The following GPHN variants were observed in gnomAD, a reference collection of about 807,000 sequenced individuals.
GPHN encodes gephyrin.
In GPHN, 17 loss-of-function variants were observed where a neutral mutation model predicts 95.5. The ratio of observed to expected loss-of-function variants is 0.18; its 90% CI spans 0.12 to 0.27. GPHN has a LOEUF of 0.27. Among genes scored for constraint, GPHN ranks in the 10% least tolerant of loss-of-function variants. The pLI, the probability that GPHN is intolerant of heterozygous loss-of-function variation, is 1.00. For missense variants in GPHN, 660 were observed against 978.1 expected, an observed-to-expected ratio of 0.67 and a Z score of 4.34; for synonymous variants, 320 against 322.5, an observed-to-expected ratio of 0.99 and a Z score of 0.08.
At chr14:67,515,597 A>G in the GPHN span, 1 of 152,406 alleles carries the variant, frequency 6.6e-6, no homozygotes, top group African/African-American at 2.4e-5. Flanking sequence ...CGGCCCCGCC[A>G]CGGGCGCCTA....
At chr14:67,205,093 T>C in the GPHN span, 3 of 1,545,810 alleles carry the variant, frequency 1.9e-6, no homozygotes, top group Non-Finnish European at 1.7e-6. Flanking sequence ...GGAGAAGGTA[T>C]GTGTCACTGA....
intron 9 of GPHN, among the ~76,000 whole-genome samples, chr14:66,973,622 G>C (rs887310504): frequency 6.6e-6 from 1 of 152,162 alleles, no homozygotes; most frequent in Non-Finnish European, 1.5e-5. Flanking sequence ...AGCTGGGCGT[G>C]GTGGTGGGCG....
chr14:67,382,906 T>TGC, the GPHN span, among the ~76,000 whole-genome samples: 2 of 136,750 alleles, frequency 1.5e-5, no homozygotes, highest in South Asian at 5.1e-4. Flanking sequence ...CGTGCGTGCG[T>TGC]GCGTGTGTGT....
the GPHN span, chr14:67,352,809 T>C: frequency 1.4e-6 from 1 of 704,624 alleles, no homozygotes. Flanking sequence ...ATAATGGTAT[T>C]TTTACTTTTG....
chr14:67,076,841 C>G lies in GPHN; in HGVS notation c.1145-12142C>G, dbSNP rs1012296110. 5.3e-5 allele frequency among the ~76,000 whole-genome samples: 8 copies of G among 152,148 alleles called. No individual in the cohort carries two copies. In the East Asian group the frequency reaches 9.6e-4, roughly 18 times the overall value. ...TCAGCATTCTATTACCTACCACACT[C>G]TTTCTCCACTCTCGATTCATATAAA... On this transcript the variant is annotated intron_variant, in intron 11 of 22. Coordinates refer to ENST00000478722, the MANE Select transcript of GPHN (RefSeq NM_020806.5).
intron 1 of GPHN, among the ~76,000 whole-genome samples, chr14:66,653,783 A>G (rs945088202): frequency 1.3e-5 from 2 of 152,170 alleles, no homozygotes; most frequent in African/African-American, 4.8e-5. Flanking sequence ...TATGACAGAG[A>G]AGTATTCCAT....
chr14:66,525,005 T>C (rs1055060529), intron 1 of GPHN, among the ~76,000 whole-genome samples: 1 of 152,176 alleles, frequency 6.6e-6, no homozygotes, highest in African/African-American at 2.4e-5. Context: ...ATCCTTTGGG[T>C]ATATACTCAG....
chr14:66,974,130 C>T (rs1440190325), intron 9 of GPHN, among the ~76,000 whole-genome samples: 1 of 152,080 alleles, frequency 6.6e-6, no homozygotes, highest in Admixed American at 6.6e-5. Flanking sequence ...CATTTGTTAG[C>T]GAAGCAGAAT....
At chr14:66,686,753 G>A (rs897272208) in intron 2 of GPHN, among the ~76,000 whole-genome samples, 1 of 152,120 alleles carries the variant, frequency 6.6e-6, no homozygotes, top group African/African-American at 2.4e-5. Context: ...TCTTTCTCCT[G>A]CCTGATTGCC....
At chr14:66,550,657 G>C (rs2059775890) in intron 1 of GPHN, among the ~76,000 whole-genome samples, 2 of 152,142 alleles carry the variant, frequency 1.3e-5, no homozygotes, top group African/African-American at 2.4e-5. Context: ...TTTGTAAAAA[G>C]AAGAGTCAAC....
chr14:67,370,505 C>T, the GPHN span, among the ~76,000 whole-genome samples: 1 of 151,958 alleles, frequency 6.6e-6, no homozygotes, highest in Non-Finnish European at 1.5e-5. Context: ...ACACAAATTA[C>T]CAATCTGGAA....
intron 4 of GPHN, among the ~76,000 whole-genome samples, chr14:66,854,940 C>T (rs961443634): frequency 1.3e-5 from 2 of 151,790 alleles, no homozygotes; most frequent in Non-Finnish European, 2.9e-5. Flanking sequence ...TTCTGCCCCC[C>T]GGATTCAAGC....
the GPHN span, chr14:67,392,541 G>A: frequency 8.3e-7 from 1 of 1,200,940 alleles, no homozygotes; most frequent in Non-Finnish European, 1.2e-6. Flanking sequence ...TTCTGCATCA[G>A]GATGAAGTCG....
intron 4 of GPHN, among the ~76,000 whole-genome samples, chr14:66,861,678 A>G (rs957719069): frequency 2.8e-4 from 43 of 152,128 alleles, no homozygotes; most frequent in African/African-American, 9.2e-4. Flanking sequence ...ACAACTGGAA[A>G]TCAATAACGA....
intron 11 of GPHN, among the ~76,000 whole-genome samples, chr14:67,083,029 A>G (rs2076751217): frequency 6.6e-6 from 1 of 152,228 alleles, no homozygotes; most frequent in African/African-American, 2.4e-5. Context: ...GAACTTAAAT[A>G]AAAGTAAAGA....
At chr14:67,329,176 T>C in the GPHN span, among the ~76,000 whole-genome samples, 2 of 152,244 alleles carry the variant, frequency 1.3e-5, no homozygotes, top group Non-Finnish European at 2.9e-5. Context: ...GTAGTTCTCC[T>C]TGAAGAGGTC....
At chr14:67,171,428 A>G (rs2082592613) in intron 21 of GPHN, among the ~76,000 whole-genome samples, 1 of 152,102 alleles carries the variant, frequency 6.6e-6, no homozygotes, top group Admixed American at 6.6e-5. Context: ...AATTCATCAA[A>G]TAGAATTATT....
At chr14:66,552,624 C>T (rs1334832922) in intron 1 of GPHN, among the ~76,000 whole-genome samples, 1 of 152,192 alleles carries the variant, frequency 6.6e-6, no homozygotes, top group Non-Finnish European at 1.5e-5. Flanking sequence ...CAAGCATTCT[C>T]TCAGCTTTTG....
chr14:66,754,423 T>C (rs1451734981), intron 2 of GPHN, among the ~76,000 whole-genome samples: 1 of 151,948 alleles, frequency 6.6e-6, no homozygotes, highest in African/African-American at 2.4e-5. Flanking sequence ...TAACTATATA[T>C]AAAAGATAAT....
Sources: gnomAD v4.1 joint callset for allele counts (sites outside exome capture counted in the v4.1 genomes callset) on GRCh38, gnomAD v4.1.1 for gene constraint, MANE v1.5 for transcripts, NCBI Gene and HGNC (gene_info 2026-07-23, HGNC 2026-07-21) for gene names.